PCCA: variants seen among roughly 807,000 people sequenced by gnomAD.
PCCA encodes propionyl-CoA carboxylase subunit alpha, also known as propionyl-CoA carboxylase alpha chain, mitochondrial.
A neutral mutation model predicts 101.3 loss-of-function variants in PCCA; 74 were observed. The observed-to-expected ratio is 0.73, with a 90% CI of 0.61 to 0.89. The LOEUF is 0.89. PCCA is among the 40% of genes least tolerant of loss of function. The probability of loss-of-function intolerance (pLI) is 0.00; values close to 1 mark genes in which losing one functional copy is unlikely to be tolerated. For missense variants in PCCA, 891 were observed against 907.0 expected (o/e 0.98, Z 0.23); for synonymous variants, 294 against 313.6 (o/e 0.94, Z 0.66).
At chr13:100,506,379 G>A (rs867990323) in intron 21 of PCCA, among the ~76,000 whole-genome samples, 4 of 151,688 alleles carry the variant, frequency 2.6e-5, no homozygotes, top group Non-Finnish European at 5.9e-5. Flanking sequence ...CTTCGCGGGC[G>A]GGGGTGGGGG....
chr13:100,142,471 C>A (rs996702850), intron 4 of PCCA, among the ~76,000 whole-genome samples: 1 of 150,192 alleles, frequency 6.7e-6, no homozygotes, highest in African/African-American at 2.5e-5. Flanking sequence ...ATGAAATGAG[C>A]CTTCTTTTTT....
intron 17 of PCCA, among the ~76,000 whole-genome samples, chr13:100,334,100 C>G (rs75614130): frequency 0.014 from 2,134 of 152,090 alleles, 48 homozygotes; most frequent in African/African-American, 0.049. Flanking sequence ...CAAAACAAAA[C>G]AACAACAACA....
intron 8 of PCCA, chr13:100,237,549 T>G: frequency 6.6e-6 from 1 of 152,242 alleles, no homozygotes; most frequent in Non-Finnish European, 1.5e-5. Context: ...TGTTCATGGT[T>G]TGAAATCACT....
chr13:100,371,907 G>T (rs1004679989), intron 19 of PCCA, among the ~76,000 whole-genome samples: 11 of 152,264 alleles, frequency 7.2e-5, no homozygotes, highest in African/African-American at 1.9e-4. Context: ...CTTTTGACAA[G>T]AGTTTCTAAA....
At chr13:100,499,983 T>C (rs1463647872) in intron 21 of PCCA, among the ~76,000 whole-genome samples, 1 of 152,216 alleles carries the variant, frequency 6.6e-6, no homozygotes, top group African/African-American at 2.4e-5. Flanking sequence ...CATTTTTTCT[T>C]TTTTTAAAGA....
chr13:100,327,720 A>C (rs1426186408), intron 16 of PCCA, among the ~76,000 whole-genome samples: 1 of 152,160 alleles, frequency 6.6e-6, no homozygotes, highest in African/African-American at 2.4e-5. Flanking sequence ...CCTGACTAGC[A>C]CTTGCTATTA....
At chr13:100,349,587 C>G (rs1471692718) in intron 18 of PCCA, among the ~76,000 whole-genome samples, 2 of 152,226 alleles carry the variant, frequency 1.3e-5, no homozygotes, top group Non-Finnish European at 2.9e-5. Flanking sequence ...ACTTTATCCT[C>G]ATAATTTCCC....
At chr13:100,451,108 T>G (rs1046280808) in intron 21 of PCCA, among the ~76,000 whole-genome samples, 6 of 152,168 alleles carry the variant, frequency 3.9e-5, no homozygotes, top group African/African-American at 1.4e-4. Flanking sequence ...CCCTCCTTGC[T>G]TGGGGAGGTC....
chr13:100,446,127 T>G (rs1163853943), intron 20 of PCCA, among the ~76,000 whole-genome samples: 1 of 152,178 alleles, frequency 6.6e-6, no homozygotes. Context: ...AACCTCCAAC[T>G]CCCAGGTTCA....
chr13:100,493,357 C>T (rs766996019), intron 21 of PCCA, among the ~76,000 whole-genome samples: 82 of 152,164 alleles, frequency 5.4e-4, no homozygotes, highest in Non-Finnish European at 1.0e-3. Flanking sequence ...TGGAGGTGTG[C>T]GCTGCCCCAC....
intron 21 of PCCA, among the ~76,000 whole-genome samples, chr13:100,469,224 A>AAAAAAAAAAAT (rs1235528727): frequency 6.7e-6 from 1 of 150,300 alleles, no homozygotes; most frequent in Non-Finnish European, 1.5e-5. Context: ...AAAAAAAAAA[A>AAAAAAAAAAAT]AAAGAATCCC....
intron 18 of PCCA, among the ~76,000 whole-genome samples, chr13:100,363,794 G>A (rs886279411): frequency 1.3e-5 from 2 of 152,082 alleles, no homozygotes; most frequent in Non-Finnish European, 2.9e-5. Context: ...CTTTCTAACT[G>A]AAGATGCTGA....
At chr13:100,273,451 TTAAA>T (rs1412415401) in intron 12 of PCCA, 105 bp downstream of exon 12, 16 of 893,198 alleles carry the variant, frequency 1.8e-5, no homozygotes, top group South Asian at 1.6e-4. Flanking sequence ...CCATAAAGTG[TTAAA>T]TAAAGATTTA....
At chr13:100,160,461 C>G (rs1229091470) in intron 6 of PCCA, among the ~76,000 whole-genome samples, 1 of 150,488 alleles carries the variant, frequency 6.6e-6, no homozygotes, top group Non-Finnish European at 1.5e-5. Flanking sequence ...TGAGATCACG[C>G]TACTGCACTC....
intron 21 of PCCA, among the ~76,000 whole-genome samples, chr13:100,452,485 C>G (rs2081402907): frequency 6.6e-6 from 1 of 152,142 alleles, no homozygotes; most frequent in Non-Finnish European, 1.5e-5. Flanking sequence ...CCTTGTTTTT[C>G]TTCTACTAAG....
intron 21 of PCCA, among the ~76,000 whole-genome samples, chr13:100,474,440 T>TTCTCTCTCTCTCTCTCTCTCTCTCTCTC (rs58811683): frequency 2.8e-5 from 4 of 144,288 alleles, no homozygotes; most frequent in African/African-American, 1.1e-4. Flanking sequence ...TATTTACTGT[T>TTCTCTCTCTCTCTCTCTCTCTCTCTCTC]TCTCTCTCTC....
At chr13:100,361,385 T>C (rs1187471067) in intron 18 of PCCA, among the ~76,000 whole-genome samples, 6 of 151,966 alleles carry the variant, frequency 3.9e-5, no homozygotes, top group Non-Finnish European at 8.8e-5. Flanking sequence ...GGAGGATGTA[T>C]GGGAAATTGA....
chr13:100,123,349 C>T (rs189934655), intron 4 of PCCA, among the ~76,000 whole-genome samples: 3 of 152,288 alleles, frequency 2.0e-5, no homozygotes, highest in African/African-American at 7.2e-5. Flanking sequence ...GCCACTGCAC[C>T]TGGCCCTGAA....
intron 18 of PCCA, among the ~76,000 whole-genome samples, chr13:100,348,719 T>G (rs2072646085): frequency 6.7e-6 from 1 of 149,178 alleles, no homozygotes; most frequent in African/African-American, 2.5e-5. Flanking sequence ...TTACTTTCCG[T>G]TTTTTTTCCT....
Sources: gnomAD v4.1 joint callset for allele counts (sites outside exome capture counted in the v4.1 genomes callset) on GRCh38, gnomAD v4.1.1 for gene constraint, MANE v1.5 for transcripts, NCBI Gene and HGNC (gene_info 2026-07-23, HGNC 2026-07-21) for gene names.